The following SPIDR variants were observed in gnomAD, a reference collection of about 807,000 sequenced individuals.
The protein encoded by SPIDR is scaffold protein involved in DNA repair, also known as DNA repair-scaffolding protein.
SPIDR carries 93 observed loss-of-function variants against 104.6 expected under a neutral mutation model. The observed-to-expected ratio is 0.89, with a 90% CI of 0.75 to 1.06. The LOEUF is 1.06. Among genes scored for constraint, SPIDR ranks in the 50% least tolerant of loss-of-function variants. The pLI, the probability that SPIDR is intolerant of heterozygous loss-of-function variation, is 0.00. For synonymous variants in SPIDR, 431 were observed against 416.9 expected (o/e 1.03, Z -0.41); for missense variants, 1,154 against 1,111.2 (o/e 1.04, Z -0.55).
At chr8:47,322,995 G>A (rs949779069) in intron 5 of SPIDR, among the ~76,000 whole-genome samples, 2 of 151,908 alleles carry the variant, frequency 1.3e-5, no homozygotes, top group Admixed American at 6.6e-5. Context: ...GTTAAATGAC[G>A]AGTTACTGTG....
intron 10 of SPIDR, among the ~76,000 whole-genome samples, chr8:47,615,908 A>AT: frequency 6.6e-6 from 1 of 151,886 alleles, no homozygotes; most frequent in East Asian, 1.9e-4. Flanking sequence ...ATATTTCCTT[A>AT]TTTACATTTC....
intron 3 of SPIDR, among the ~76,000 whole-genome samples, chr8:47,287,612 T>C (rs892355677): frequency 1.1e-4 from 17 of 152,188 alleles, no homozygotes; most frequent in Admixed American, 3.3e-4. Context: ...GAAAAGAATT[T>C]AGCAATATCT....
chr8:47,501,694 G>T (rs2154371430), intron 8 of SPIDR, among the ~76,000 whole-genome samples: 1 of 152,298 alleles, frequency 6.6e-6, no homozygotes. Context: ...AATAGGAGTG[G>T]TGAGAGAGGG....
chr8:47,420,303 A>G lies in SPIDR; in HGVS notation c.877+12342A>G, dbSNP rs868992647. ...GCTTTATGAGTCTGGGTGCTCCTGT[A>G]TTAGGTGCATATATATTTAGGATAG... On this transcript the variant is annotated intron_variant, in intron 7 of 19. Transcript: ENST00000297423. Among the ~76,000 whole-genome samples, 31 of 152,166 alleles carry G rather than the reference A, an allele frequency of 2.0e-4. 1 individual carries two copies. Among genetic ancestry groups the G allele is most frequent in the Middle Eastern group, 3.4e-3 (1 of 294 alleles).
At chr8:47,267,066 C>T (rs2034228816) in intron 1 of SPIDR, among the ~76,000 whole-genome samples, 1 of 152,158 alleles carries the variant, frequency 6.6e-6, no homozygotes. Context: ...GTACTTCATT[C>T]CTATTTATTT....
chr8:47,392,009 A>G (rs534588175), intron 5 of SPIDR, among the ~76,000 whole-genome samples: 28 of 151,306 alleles, frequency 1.9e-4, no homozygotes, highest in Non-Finnish European at 3.1e-4. Flanking sequence ...AAAAAAAAAA[A>G]AAAAGAAAGA....
At chr8:47,709,269 T>C (rs2081509067) in intron 14 of SPIDR, among the ~76,000 whole-genome samples, 1 of 152,182 alleles carries the variant, frequency 6.6e-6, no homozygotes, top group Admixed American at 6.5e-5. Context: ...ACCTCCCGAG[T>C]AGCTGGAATT....
At chr8:47,530,500 CAT>C (rs1423143387) in intron 8 of SPIDR, among the ~76,000 whole-genome samples, 1 of 151,970 alleles carries the variant, frequency 6.6e-6, no homozygotes, top group Non-Finnish European at 1.5e-5. Context: ...AATATCTAAA[CAT>C]AGAAAACGTA....
intron 7 of SPIDR, among the ~76,000 whole-genome samples, chr8:47,433,280 T>A (rs1013128667): frequency 5.3e-5 from 8 of 152,196 alleles, no homozygotes; most frequent in African/African-American, 1.9e-4. Context: ...CAGACCCTCC[T>A]AACTAGCTTC....
At chr8:47,321,047 C>T (rs1554594902) in intron 5 of SPIDR, among the ~76,000 whole-genome samples, 2 of 152,112 alleles carry the variant, frequency 1.3e-5, no homozygotes, top group Admixed American at 6.6e-5. Context: ...ACAGGGATGC[C>T]CTCTCTCACC....
At chr8:47,396,075 T>C (rs566520231) in intron 5 of SPIDR, among the ~76,000 whole-genome samples, 8 of 152,354 alleles carry the variant, frequency 5.3e-5, no homozygotes, top group Non-Finnish European at 7.4e-5. Context: ...GTTTTGGAGA[T>C]TGCCTCTATG....
chr8:47,357,607 G>A (rs2054814828), intron 5 of SPIDR, among the ~76,000 whole-genome samples: 1 of 152,174 alleles, frequency 6.6e-6, no homozygotes, highest in Admixed American at 6.5e-5. Context: ...GATGGAGCAA[G>A]GTAGCATTTA....
intron 5 of SPIDR, among the ~76,000 whole-genome samples, chr8:47,394,765 AT>A (rs1429397386): frequency 6.6e-6 from 1 of 151,894 alleles, no homozygotes; most frequent in Non-Finnish European, 1.5e-5. Context: ...TGTCAGCTTC[AT>A]TTTCATTCTG....
intron 5 of SPIDR, among the ~76,000 whole-genome samples, chr8:47,354,081 A>T (rs2054060655): frequency 6.6e-6 from 1 of 152,188 alleles, no homozygotes; most frequent in African/African-American, 2.4e-5. Flanking sequence ...TCCTAACCAT[A>T]CCAGATTAGA....
At chr8:47,700,296 TC>T in intron 11 of SPIDR, 106 bp from the exon 12 acceptor site, 1 of 1,139,654 alleles carries the variant, frequency 8.8e-7, no homozygotes, top group Non-Finnish European at 1.3e-6. Context: ...GAATTGTAGT[TC>T]CATGGCCTTA....
rs765134266 is a variant in SPIDR, at chr8:47,712,745, C to A, written c.2061C>A (p.Asp687Glu). The change falls in exon 15 of 20, where the codon GAC (aspartate) becomes GAA (glutamate). Residue 687 changes from aspartate (D) to glutamate (E), a missense_variant. By Grantham distance (45) the Asp-to-Glu change is conservative. Transcript: ENST00000297423. The part of the protein sequence containing the change: ...DVTLQTKEER[D>E]PRLPKTLLVY... Reference sequence around the variant, plus strand: ...CTCTGCAAACGAAGGAGGAGAGAGACCCCAGGCTCCCCAAAACCCTGCTGG... The same window carrying A: ...CTCTGCAAACGAAGGAGGAGAGAGAACCCAGGCTCCCCAAAACCCTGCTGG... The A allele has an allele frequency of 2.5e-6, 4 of 1,613,982 alleles. No homozygotes were observed. The highest frequency in any genetic ancestry group is 2.5e-6 in the Non-Finnish European group (3 of 1,180,028).
intron 6 of SPIDR, among the ~76,000 whole-genome samples, chr8:47,398,855 A>T (rs1403250339): frequency 6.6e-6 from 1 of 152,142 alleles, no homozygotes; most frequent in African/African-American, 2.4e-5. Flanking sequence ...GAGCCAAAGC[A>T]AAGGGAGCAT....
chr8:47,546,877 G>A, intron 8 of SPIDR: 1 of 413,020 alleles, frequency 2.4e-6, no homozygotes, highest in South Asian at 2.0e-5. Context: ...GTTTCCTCAG[G>A]GAAGAGAAAT....
At chr8:47,558,262 C>T (rs2091555459) in intron 8 of SPIDR, among the ~76,000 whole-genome samples, 1 of 152,092 alleles carries the variant, frequency 6.6e-6, no homozygotes, top group Non-Finnish European at 1.5e-5. Context: ...ATGCAATGTG[C>T]TCATTTAACA....
Sources: allele counts gnomAD v4.1 joint callset (sites outside exome capture counted in the v4.1 genomes callset), GRCh38; gene constraint gnomAD v4.1.1; transcripts MANE v1.5; gene names NCBI Gene and HGNC (gene_info 2026-07-23, HGNC 2026-07-21).